The following DSCAML1 variants were observed in gnomAD, a reference collection of about 807,000 sequenced individuals.
DSCAML1 encodes cell adhesion molecule DSCAML1.
DSCAML1 carries 38 observed loss-of-function variants against 200.5 expected under a neutral mutation model. The ratio of observed to expected loss-of-function variants is 0.19; its 90% CI spans 0.15 to 0.25. The LOEUF (loss-of-function observed/expected upper bound fraction) is 0.25. Among genes scored for constraint, DSCAML1 ranks in the 10% least tolerant of loss-of-function variants. The probability of loss-of-function intolerance (pLI) is 1.00; values close to 1 mark genes in which losing one functional copy is unlikely to be tolerated. For missense variants in DSCAML1, 2,223 were observed against 2,858.8 expected, an observed-to-expected ratio of 0.78 and a Z score of 5.07; for synonymous variants, 1,215 against 1,165.0, an observed-to-expected ratio of 1.04 and a Z score of -0.87.
At chr11:117,759,818 C>T (rs1359623098) in intron 3 of DSCAML1, among the ~76,000 whole-genome samples, 1 of 152,198 alleles carries the variant, frequency 6.6e-6, no homozygotes, top group Admixed American at 6.5e-5. Flanking sequence ...TCCAGGCCCT[C>T]ATTAAACTGG....
chr11:117,632,537 G>A (rs980857822), intron 3 of DSCAML1, among the ~76,000 whole-genome samples: 5 of 152,056 alleles, frequency 3.3e-5, no homozygotes, highest in African/African-American at 1.2e-4. Context: ...GCCATAAAAG[G>A]GATTGCTCCT....
At chr11:117,544,503 T>G (rs780920155) in intron 3 of DSCAML1, among the ~76,000 whole-genome samples, 1 of 152,118 alleles carries the variant, frequency 6.6e-6, no homozygotes, top group Non-Finnish European at 1.5e-5. Context: ...GGGGAGCAAG[T>G]CAAGGCGGAC....
chr11:117,577,454 TTCCTTTCCTTCC>T (rs2050955664), intron 3 of DSCAML1, among the ~76,000 whole-genome samples: 3 of 57,438 alleles, frequency 5.2e-5, no homozygotes, highest in African/African-American at 9.3e-5. Flanking sequence ...CCTTCCTTCC[TTCCTTTCCTTCC>T]TTCCTTCCTT....
In DSCAML1 at chr11:117,463,059, C is replaced by T. The variant is rs1447332767; in HGVS notation, c.3266-1463G>A. Among the ~76,000 whole-genome samples the T allele has an allele frequency of 6.6e-6, 1 of 152,204 alleles. No homozygotes were observed. The highest frequency in any genetic ancestry group is 2.4e-5 in the African/African-American group (1 of 41,448). ...TTAGCGTTAGGTGGGGCAGGCTGGC[C>T]TCGGCTCAGCACGACTGTTCCCTGG... is the stretch of plus-strand genomic sequence containing the variant. On this transcript the variant is annotated intron_variant, in intron 17 of 32. Transcript: ENST00000651296. This position sits in a 1 kb window ranked among gnomAD's most constrained non-coding sequence, Gnocchi z 4.0.
chr11:117,672,159 C>T (rs1230919450), intron 3 of DSCAML1, among the ~76,000 whole-genome samples: 2 of 150,396 alleles, frequency 1.3e-5, no homozygotes, highest in Non-Finnish European at 2.9e-5. Context: ...CTGACCCCCT[C>T]ATTTTGGAGA....
At position 117,780,884 on chromosome 11, in the gene DSCAML1, C is replaced by A; in HGVS notation, c.47-74G>T. 1.6e-6 allele frequency: 2 copies of A among 1,241,802 alleles called. No homozygotes were observed. The highest frequency in any genetic ancestry group is 2.1e-6 in the Non-Finnish European group (2 of 951,878). 76.9% of individuals were successfully genotyped at this position (1,241,802 alleles called of 1,614,324 possible). A position where few individuals can be genotyped will look rare whatever the true frequency, so the allele number is the denominator to read the frequency against. On this transcript the variant is annotated intron_variant, in intron 1 of 32. Coordinates refer to ENST00000651296, the MANE Select transcript of DSCAML1 (RefSeq NM_020693.4). This position sits in a 1 kb window ranked among gnomAD's most constrained non-coding sequence, Gnocchi z 4.8. ...TACCCATATAAGCCACGGAGGCTTG[C>A]GACAGGCTGCACTCATTCACCTGAC...
chr11:117,447,399 T>C (rs1316440774), intron 20 of DSCAML1, among the ~76,000 whole-genome samples: 2 of 152,232 alleles, frequency 1.3e-5, no homozygotes, highest in Non-Finnish European at 2.9e-5. Flanking sequence ...TATTTTAATT[T>C]GGTTTAATGA....
chr11:117,797,262 G>A (rs776911771), upstream of DSCAML1: 137 of 1,402,284 alleles, frequency 9.8e-5, 2 homozygotes, highest in Non-Finnish European at 1.2e-4. Flanking sequence ...CCTGTCATCC[G>A]CGGGGCTGGG....
intron 21 of DSCAML1, among the ~76,000 whole-genome samples, chr11:117,441,280 G>A (rs1035927489): frequency 6.6e-6 from 1 of 152,218 alleles, no homozygotes; most frequent in African/African-American, 2.4e-5. Context: ...ATCTCATACT[G>A]AGTCCACAGT....
intron 15 of DSCAML1, among the ~76,000 whole-genome samples, chr11:117,471,139 T>G (rs946246034): frequency 2.6e-5 from 4 of 152,172 alleles, no homozygotes; most frequent in African/African-American, 9.6e-5. Flanking sequence ...TGCTTGTTTA[T>G]AAAACTGCAC....
intron 3 of DSCAML1, among the ~76,000 whole-genome samples, chr11:117,684,654 T>C (rs1481069901): frequency 6.6e-6 from 1 of 152,212 alleles, no homozygotes; most frequent in African/African-American, 2.4e-5. Context: ...CTAGTTCTTC[T>C]GTTCTGATGT....
At chr11:117,602,976 A>G (rs1016521082) in intron 3 of DSCAML1, among the ~76,000 whole-genome samples, 39 of 152,122 alleles carry the variant, frequency 2.6e-4, no homozygotes, top group African/African-American at 9.4e-4. Context: ...TGAACCTGTA[A>G]TCCCAGCCAC....
intron 3 of DSCAML1, among the ~76,000 whole-genome samples, chr11:117,667,696 C>T (rs2053007397): frequency 6.6e-6 from 1 of 152,220 alleles, no homozygotes; most frequent in Non-Finnish European, 1.5e-5. Flanking sequence ...CACCTCCTGA[C>T]CTGAAACAGA....
chr11:117,479,529 C>G (rs2048864424), intron 14 of DSCAML1, among the ~76,000 whole-genome samples: 1 of 152,218 alleles, frequency 6.6e-6, no homozygotes, highest in Non-Finnish European at 1.5e-5. Flanking sequence ...GCCACCTGAC[C>G]ATGGGACTTA....
chr11:117,488,242 T>A (rs1163562838), intron 11 of DSCAML1, among the ~76,000 whole-genome samples: 1 of 152,190 alleles, frequency 6.6e-6, no homozygotes, highest in Non-Finnish European at 1.5e-5. Context: ...GCTTTGGCCC[T>A]CCTGGCTGCT....
At chr11:117,714,787 A>C (rs1416989029) in intron 3 of DSCAML1, among the ~76,000 whole-genome samples, 1 of 147,780 alleles carries the variant, frequency 6.8e-6, no homozygotes, top group South Asian at 2.2e-4. Context: ...ACGCCATTGC[A>C]CTCCAGTATT....
chr11:117,664,619 C>T (rs2052935054), intron 3 of DSCAML1, among the ~76,000 whole-genome samples: 1 of 152,244 alleles, frequency 6.6e-6, no homozygotes, highest in African/African-American at 2.4e-5. Flanking sequence ...GGGCACTTAG[C>T]ACAATGTCTA....
At chr11:117,481,932 G>T (rs774215554) in intron 12 of DSCAML1, 31 bp downstream of exon 12, 5 of 1,612,446 alleles carry the variant, frequency 3.1e-6, no homozygotes, top group African/African-American at 1.3e-5. Context: ...TGAGAGTTGG[G>T]GTCCCCCAGC....
At position 117,439,910 on chromosome 11, in the gene DSCAML1, C is replaced by G. The variant is rs751431959; in HGVS notation, c.3889G>C (p.Gly1297Arg). 1 of 1,614,160 alleles carries G rather than the reference C, an allele frequency of 6.2e-7. No individual in the cohort carries two copies. Among genetic ancestry groups the G allele is most frequent in the Non-Finnish European group, 8.5e-7 (1 of 1,180,028 alleles). ...KAPAKIISFG[G>R]TVTTPWMKDV... is the part of the protein sequence containing the mutation. ...TTCATCCAAGGTGTTGTCACGGTGCCCCCAAAGGAGATGATCTTTGCTGGG... is the reference window on the plus strand; with the variant it reads ...TTCATCCAAGGTGTTGTCACGGTGCGCCCAAAGGAGATGATCTTTGCTGGG... Residue 1297 changes from glycine to arginine, a missense_variant, in exon 22 of 33, where the codon GGC becomes CGC. Physicochemically the swap from Gly to Arg is moderately radical, Grantham distance 125. Around this residue, in one of 7 missense-constraint regions of DSCAML1, gnomAD observed 614 missense variants for 739.1 expected, o/e 0.83. Transcript: ENST00000651296.
Sources: gnomAD v4.1 joint callset for allele counts (sites outside exome capture counted in the v4.1 genomes callset) on GRCh38, gnomAD v4.1.1 for gene constraint, gnomAD v4.1.1 regional missense constraint, Gnocchi (gnomAD v3.1) non-coding constraint, MANE v1.5 for transcripts, NCBI Gene and HGNC (gene_info 2026-07-23, HGNC 2026-07-21) for gene names.